Variants in ZNF277 observed in about 807,000 individuals in gnomAD.
The protein encoded by ZNF277 is nuclear receptor-interacting factor 4.
In ZNF277, 55 loss-of-function variants were observed where a neutral mutation model predicts 60.7. That is an observed-to-expected ratio of 0.91 (90% CI 0.73 to 1.13). The LOEUF is 1.13. Ranked by LOEUF, ZNF277 falls within the 50% of genes most tolerant of loss-of-function variation. ZNF277 has a pLI of 0.00. For missense variants in ZNF277, 510 were observed against 523.0 expected, an observed-to-expected ratio of 0.98 and a Z score of 0.24; for synonymous variants, 178 against 179.3, an observed-to-expected ratio of 0.99 and a Z score of 0.06.
At chr7:112,256,597 C>A (rs1791316547) in intron 1 of ZNF277, among the ~76,000 whole-genome samples, 1 of 151,914 alleles carries the variant, frequency 6.6e-6, no homozygotes, top group Non-Finnish European at 1.5e-5. Context: ...AGATGTGCAC[C>A]ACCATGCTTG....
chr7:112,319,216 C>T (rs1215733566), intron 5 of ZNF277, among the ~76,000 whole-genome samples: 1 of 152,008 alleles, frequency 6.6e-6, no homozygotes, highest in Non-Finnish European at 1.5e-5. Context: ...GTCTGACTGG[C>T]TCAAAGTCCC....
chr7:112,233,437 C>T (rs928120482), intron 1 of ZNF277, among the ~76,000 whole-genome samples: 3 of 152,178 alleles, frequency 2.0e-5, no homozygotes, highest in Non-Finnish European at 4.4e-5. Context: ...TCATTCCATG[C>T]TTGATCTCAT....
chr7:112,333,345 T>G (rs1283242960), intron 7 of ZNF277, among the ~76,000 whole-genome samples: 2 of 152,148 alleles, frequency 1.3e-5, no homozygotes, highest in Non-Finnish European at 2.9e-5. Flanking sequence ...AGAAAAAATA[T>G]TGTAGATAGA....
rs79741127 is a variant in ZNF277, at chr7:112,301,625, A to G, written c.465+5314A>G. ...AATGGCAATCCCCACCTGTATAGAT[A>G]CATATCCCTCAAGGCATTGCTCAAC... On this transcript the variant is annotated intron_variant, in intron 4 of 11. Transcript: ENST00000361822. Among the ~76,000 whole-genome samples the G allele has an allele frequency of 6.3e-3, 952 of 152,312 alleles. 9 individuals are homozygous for G. Among genetic ancestry groups the G allele is most frequent in the African/African-American group, 0.022 (894 of 41,556 alleles).
In ZNF277 at chr7:112,271,987, A is replaced by G. The variant is rs941456057; in HGVS notation, c.92-14886A>G. On this transcript the variant is annotated intron_variant, in intron 1 of 11. Coordinates refer to ENST00000361822, the MANE Select transcript of ZNF277 (RefSeq NM_021994.3). ...TTAGTGATTTTTAAATGTACAGTAC[A>G]TTGTTACACAGTATCATCACTTTGT... 2.6e-5 allele frequency among the ~76,000 whole-genome samples: 4 copies of G among 152,158 alleles called. No individual in the cohort carries two copies. In the East Asian group the frequency reaches 5.8e-4, roughly 22 times the overall value.
intron 4 of ZNF277, among the ~76,000 whole-genome samples, chr7:112,314,903 G>A (rs1044558385): frequency 2.0e-5 from 3 of 152,086 alleles, no homozygotes; most frequent in African/African-American, 7.2e-5. Flanking sequence ...CCATTAAGGT[G>A]TTACTTAAGA....
intron 1 of ZNF277, among the ~76,000 whole-genome samples, chr7:112,220,102 A>G (rs1234123274): frequency 2.6e-5 from 4 of 152,200 alleles, no homozygotes; most frequent in African/African-American, 9.7e-5. Context: ...AATGTCATTG[A>G]AATTTTGTTA....
chr7:112,270,213 C>T (rs1791637649), intron 1 of ZNF277, among the ~76,000 whole-genome samples: 1 of 152,090 alleles, frequency 6.6e-6, no homozygotes, highest in African/African-American at 2.4e-5. Flanking sequence ...TTCATGCTTC[C>T]TTCTTCAAAA....
At chr7:112,264,031 C>T (rs1249785411) in intron 1 of ZNF277, among the ~76,000 whole-genome samples, 1 of 151,968 alleles carries the variant, frequency 6.6e-6, no homozygotes, top group Non-Finnish European at 1.5e-5. Flanking sequence ...AAAACAGCGC[C>T]TTAGAAAACA....
intron 1 of ZNF277, among the ~76,000 whole-genome samples, chr7:112,280,784 C>A (rs1164788491): frequency 1.3e-5 from 2 of 152,076 alleles, no homozygotes; most frequent in Non-Finnish European, 2.9e-5. Flanking sequence ...AGCCACCACG[C>A]CCGGCTAATT....
chr7:112,240,157 C>T (rs1790913452), intron 1 of ZNF277, among the ~76,000 whole-genome samples: 2 of 152,062 alleles, frequency 1.3e-5, no homozygotes, highest in African/African-American at 2.4e-5. Flanking sequence ...GGAAAATCAC[C>T]TTTATGAACA....
At chr7:112,213,968 C>A (rs1821818314) in intron 1 of ZNF277, among the ~76,000 whole-genome samples, 1 of 152,140 alleles carries the variant, frequency 6.6e-6, no homozygotes, top group South Asian at 2.1e-4. Context: ...TCAATTGTGA[C>A]TGTTATTTCA....
chr7:112,245,508 C>T (rs1248718924), intron 1 of ZNF277, among the ~76,000 whole-genome samples: 1 of 152,180 alleles, frequency 6.6e-6, no homozygotes, highest in African/African-American at 2.4e-5. Context: ...ATGTCATAAA[C>T]ACAAAGGTTT....
intron 11 of ZNF277, 47 bp downstream of exon 11, chr7:112,341,093 A>AT: frequency 2.7e-6 from 4 of 1,496,292 alleles, no homozygotes; most frequent in East Asian, 4.8e-5. Flanking sequence ...CAACTCTTTG[A>AT]TTTTGTCCCT....
At chr7:112,224,543 A>T (rs1360407380) in intron 1 of ZNF277, among the ~76,000 whole-genome samples, 1 of 152,198 alleles carries the variant, frequency 6.6e-6, no homozygotes, top group East Asian at 1.9e-4. Context: ...AGCATCAGGG[A>T]TAAGGGGGGA....
chr7:112,227,181 T>C (rs1038681445), intron 1 of ZNF277, among the ~76,000 whole-genome samples: 1 of 152,242 alleles, frequency 6.6e-6, no homozygotes, highest in Non-Finnish European at 1.5e-5. Flanking sequence ...CAACATTAGT[T>C]GATCCTTGCG....
At chr7:112,303,697 C>G (rs75326390) in intron 4 of ZNF277, among the ~76,000 whole-genome samples, 60 of 152,054 alleles carry the variant, frequency 3.9e-4, no homozygotes, top group African/African-American at 1.4e-3. Context: ...GTGTTTAACT[C>G]CTGCATTTAC....
chr7:112,228,126 G>C lies in ZNF277; in HGVS notation c.91+21319G>C, dbSNP rs138470851. Among the ~76,000 whole-genome samples the C allele has an allele frequency of 2.6e-5, 4 of 151,956 alleles. No homozygotes were observed. In the East Asian group the frequency reaches 7.8e-4, roughly 30 times the overall value. On this transcript the variant is annotated intron_variant, in intron 1 of 11. Transcript: ENST00000361822. ...CCAAGTGGTCTTGGCTTCTGGCAGC[G>C]TGACTCCAGTCTCTGCCTCCATCTT...
chr7:112,316,229 T>C (rs777059752), intron 4 of ZNF277, among the ~76,000 whole-genome samples: 112 of 152,218 alleles, frequency 7.4e-4, no homozygotes, highest in Non-Finnish European at 1.4e-3. Flanking sequence ...ATGTAGTTAG[T>C]AGAAATAGAA....
Sources: allele counts gnomAD v4.1 joint callset (sites outside exome capture counted in the v4.1 genomes callset), GRCh38; gene constraint gnomAD v4.1.1; transcripts MANE v1.5; gene names NCBI Gene and HGNC (gene_info 2026-07-23, HGNC 2026-07-21).